Variants in COL20A1 observed in about 807,000 individuals in gnomAD.
COL20A1 encodes the protein collagen type XX alpha 1 chain, also known as collagen alpha-1(XX) chain.
In COL20A1, 164 loss-of-function variants were observed where a neutral mutation model predicts 152.9. The ratio of observed to expected loss-of-function variants is 1.07; its 90% CI spans 0.94 to 1.22. COL20A1 has a LOEUF of 1.22. Among genes scored for constraint, COL20A1 ranks in the 50% most tolerant of loss-of-function variants. The pLI, the probability that COL20A1 is intolerant of heterozygous loss-of-function variation, is 0.00. For missense variants in COL20A1, 1,873 were observed against 1,744.8 expected (o/e 1.07, Z -1.31); for synonymous variants, 864 against 756.0 (o/e 1.14, Z -2.34).
At position 63,311,169 on chromosome 20, in the gene COL20A1, G is replaced by A. The variant is rs2068000288; in HGVS notation, c.1394-225G>A. Among the ~76,000 whole-genome samples the A allele has an allele frequency of 6.6e-6, 1 of 152,172 alleles. No homozygotes were observed. ...CCCCCGGAGGCCACATTCCTCCCAT[G>A]ACCTCAAGGCAGATGGCCTTAGACA... On this transcript the variant is annotated intron_variant, in intron 11 of 35. Coordinates refer to ENST00000358894, the MANE Select transcript of COL20A1 (RefSeq NM_020882.4). The surrounding 1 kb of genome is among the most constrained non-coding windows in gnomAD (Gnocchi z 4.4).
intron 3 of COL20A1, among the ~76,000 whole-genome samples, chr20:63,303,048 A>G (rs1187997026): frequency 6.6e-6 from 1 of 152,192 alleles, no homozygotes; most frequent in Non-Finnish European, 1.5e-5. Context: ...TTATTCCCTG[A>G]TGCCATCAAC....
At chr20:63,315,350 G>A (rs11697350) in intron 19 of COL20A1, 54 bp from the exon 20 acceptor site, 18 of 1,529,252 alleles carry the variant, frequency 1.2e-5, no homozygotes, top group Non-Finnish European at 1.5e-5. Flanking sequence ...CGGTCTGTCA[G>A]GCGTTGGAGG....
chr20:63,296,077 C>T (rs953134282), intron 2 of COL20A1, among the ~76,000 whole-genome samples: 3 of 152,268 alleles, frequency 2.0e-5, no homozygotes, highest in Non-Finnish European at 2.9e-5. Flanking sequence ...GGGTGAGATG[C>T]GGGAGCCCCG....
chr20:63,323,071 C>G (rs777411312), intron 27 of COL20A1, among the ~76,000 whole-genome samples: 5 of 152,276 alleles, frequency 3.3e-5, no homozygotes, highest in Non-Finnish European at 5.9e-5. Flanking sequence ...CCTCCCACCC[C>G]CATCTTGCAT....
At chr20:63,307,091 A>G (rs1451066419) in intron 5 of COL20A1, among the ~76,000 whole-genome samples, 1 of 152,034 alleles carries the variant, frequency 6.6e-6, no homozygotes, top group East Asian at 1.9e-4. Flanking sequence ...AACCCCGGGG[A>G]GCGCCAGACC....
chr20:63,308,159 G>T, intron 7 of COL20A1, 69 bp downstream of exon 7: 1 of 1,574,100 alleles, frequency 6.4e-7, no homozygotes. Context: ...CCCAGATCCC[G>T]AAAGCTTGTG....
In COL20A1 at chr20:63,319,080, C is replaced by A; in HGVS notation, c.2686C>A (p.Pro896Thr). 6.2e-7 allele frequency: 1 copy of A among 1,610,966 alleles called. No individual in the cohort carries two copies. Among genetic ancestry groups the A allele is most frequent in the Non-Finnish European group, 8.5e-7 (1 of 1,177,714 alleles). The part of the protein sequence containing the change: ...RVSDVYPAPL[P>T]PEHTIVFLVR... The stretch of plus-strand genomic sequence containing the variant: ...CAGTGACGTCTACCCAGCCCCCCTA[C>A]CTCCAGAGCACACCATCGTCTTCCT... Residue 896 changes from proline (P) to threonine (T), a missense_variant, in exon 22 of 36, where the codon CCT becomes ACT. By Grantham distance (38) the Pro-to-Thr change is conservative. Coordinates refer to ENST00000358894, the MANE Select transcript of COL20A1 (RefSeq NM_020882.4). This position sits in a 1 kb window ranked among gnomAD's most constrained non-coding sequence, Gnocchi z 4.4.
intron 16 of COL20A1, 28 bp downstream of exon 16, chr20:63,312,962 A>G: frequency 6.5e-7 from 1 of 1,531,680 alleles, no homozygotes; most frequent in Non-Finnish European, 8.8e-7. Context: ...TGTCCTTCCG[A>G]GGGGCCCCCC....
intron 3 of COL20A1, among the ~76,000 whole-genome samples, chr20:63,302,344 G>A (rs1264617833): frequency 6.6e-6 from 1 of 152,090 alleles, no homozygotes; most frequent in African/African-American, 2.4e-5. Flanking sequence ...TTATTGAGAT[G>A]GAATCTCACT....
chr20:63,294,985 G>A (rs1017676488), intron 1 of COL20A1, 113 bp from the exon 2 acceptor site: 14 of 659,282 alleles, frequency 2.1e-5, no homozygotes, highest in African/African-American at 5.4e-5. Flanking sequence ...GGTGGAGCCC[G>A]GTGTGGGGAC....
intron 27 of COL20A1, among the ~76,000 whole-genome samples, chr20:63,323,196 C>T (rs1003760415): frequency 1.3e-5 from 2 of 152,244 alleles, no homozygotes; most frequent in Admixed American, 1.3e-4. Flanking sequence ...CCTCTGACTT[C>T]TTCTCCACCG....
intron 3 of COL20A1, among the ~76,000 whole-genome samples, chr20:63,303,029 A>G (rs571641615): frequency 6.6e-6 from 1 of 152,328 alleles, no homozygotes; most frequent in African/African-American, 2.4e-5. Context: ...TTCAGTAGGT[A>G]TGGGGTGATT....
rs978659623 is a variant in COL20A1, at chr20:63,333,342, A to G, written c.*2626A>G. ...GCCAGCCACCGAGGTGGTGTGACGCAAGGCTGATCTGACGCTCAGCTCAGG... is the reference window on the plus strand; with the variant it reads ...GCCAGCCACCGAGGTGGTGTGACGCGAGGCTGATCTGACGCTCAGCTCAGG... On this transcript the variant is annotated 3_prime_UTR_variant, in exon 36 of 36. Coordinates refer to ENST00000358894, the MANE Select transcript of COL20A1 (RefSeq NM_020882.4). 1 of 152,178 alleles carries G rather than the reference A, an allele frequency of 6.6e-6. No homozygotes were observed. Among genetic ancestry groups the G allele is most frequent in the Non-Finnish European group, 1.5e-5 (1 of 68,108 alleles). 9.4% of individuals were successfully genotyped at this position (152,178 alleles called of 1,614,324 possible).
In COL20A1 at chr20:63,308,575, T is replaced by G. The variant is rs1601414409; in HGVS notation, c.809T>G (p.Leu270Arg). The G allele has an allele frequency of 6.2e-7, 1 of 1,605,844 alleles. No individual in the cohort carries two copies. Among genetic ancestry groups the G allele is most frequent in the South Asian group, 1.1e-5 (1 of 89,748 alleles). Residue 270 changes from leucine (L) to arginine (R), a missense_variant, in exon 8 of 36, where the codon CTG (leucine) becomes CGG (arginine). Transcript: ENST00000358894. The part of the protein sequence containing the change: ...LALTHVLGQN[L>R]QPAAGLRPEA... ...CTGACCCACGTGCTGGGGCAGAACC[T>G]GCAGCCGGCGGCTGGCCTCCGTCCA...
chr20:63,294,760 G>A (rs1179946213), intron 1 of COL20A1, among the ~76,000 whole-genome samples: 2 of 152,176 alleles, frequency 1.3e-5, no homozygotes, highest in Admixed American at 6.5e-5. Context: ...AGGAGGCCCC[G>A]TGCCCGTCCC....
At chr20:63,328,602 C>T (rs1485978142) in intron 34 of COL20A1, 104 bp downstream of exon 34, 6 of 1,118,902 alleles carry the variant, frequency 5.4e-6, no homozygotes, top group East Asian at 5.0e-5. Context: ...CACAGCAGCT[C>T]CTGCTGGAGA....
rs1202668167 is a variant in COL20A1, at chr20:63,298,228, T to C, written c.193+208T>C. 3.3e-5 allele frequency among the ~76,000 whole-genome samples: 5 copies of C among 152,374 alleles called. No individual in the cohort carries two copies. In the East Asian group the frequency reaches 9.6e-4, roughly 29 times the overall value. On this transcript the variant is annotated intron_variant, in intron 3 of 35. Transcript: ENST00000358894. ...AGAGGGAATGGGGCTCCTCTGTCCC[T>C]GGCACGCAGCCCCTGCAGAAGGCAT...
chr20:63,322,079 AC>A lies in COL20A1; in HGVS notation c.3266del (p.Pro1089GlnfsTer48). 1 of 1,500,942 alleles carries A rather than the reference AC, an allele frequency of 6.7e-7. No individual in the cohort carries two copies. Among genetic ancestry groups the A allele is most frequent in the Non-Finnish European group, 8.9e-7 (1 of 1,129,496 alleles). 93.0% of individuals were successfully genotyped at this position (1,500,942 alleles called of 1,614,324 possible). On this transcript the variant is annotated frameshift_variant, in exon 27 of 36. Coordinates refer to ENST00000358894, the MANE Select transcript of COL20A1 (RefSeq NM_020882.4). LOFTEE classifies it high-confidence loss of function. ...GPPGLPGRNG[T>X]PGEQGFPGPR... ...GCAGGGCCTCCCTGGGAGGAATGGC[AC>A]CCCAGGAGAGCAGGGCTTCCCAGGG...
chr20:63,305,773 TG>T lies in COL20A1; in HGVS notation c.338-105del. 7.9e-7 allele frequency: 1 copy of T among 1,258,170 alleles called. No homozygotes were observed. Among genetic ancestry groups the T allele is most frequent in the Non-Finnish European group, 1.1e-6 (1 of 892,370 alleles). 77.9% of individuals were successfully genotyped at this position (1,258,170 alleles called of 1,614,324 possible). A position where few individuals can be genotyped will look rare whatever the true frequency, so the allele number is the denominator to read the frequency against. On this transcript the variant is annotated intron_variant, in intron 4 of 35. Coordinates refer to ENST00000358894, the MANE Select transcript of COL20A1 (RefSeq NM_020882.4). This position sits in a 1 kb window ranked among gnomAD's most constrained non-coding sequence, Gnocchi z 4.9. ...CATCTTTGCATGCCTCCCAGGCTCC[TG>T]GGCCCTCAGCACCCACAGATGCGCC...
Sources: gnomAD v4.1 joint callset for allele counts (sites outside exome capture counted in the v4.1 genomes callset) on GRCh38, gnomAD v4.1.1 for gene constraint, Gnocchi (gnomAD v3.1) non-coding constraint, MANE v1.5 for transcripts, NCBI Gene and HGNC (gene_info 2026-07-23, HGNC 2026-07-21) for gene names.